Variants in MAPK10 observed in about 807,000 individuals in gnomAD.
MAPK10 encodes the protein mitogen-activated protein kinase 10.
MAPK10 carries 25 observed loss-of-function variants against 59.3 expected under a neutral mutation model. The ratio of observed to expected loss-of-function variants is 0.42; its 90% confidence interval spans 0.31 to 0.59. MAPK10 has a LOEUF of 0.59. Among genes scored for constraint, MAPK10 ranks in the 20% least tolerant of loss-of-function variants. The probability of loss-of-function intolerance (pLI) is 0.15; values close to 1 mark genes in which losing one functional copy is unlikely to be tolerated. For synonymous variants in MAPK10, 190 were observed against 200.5 expected (o/e 0.95, Z 0.44); for missense variants, 351 against 568.9 (o/e 0.62, Z 3.90).
intron 1 of MAPK10, among the ~76,000 whole-genome samples, chr4:86,399,583 C>T (rs759813781): frequency 6.6e-6 from 1 of 152,012 alleles, no homozygotes. Flanking sequence ...ATATTATGAC[C>T]ATTTTGAGGG....
chr4:86,300,085 G>T (rs2095440881), intron 2 of MAPK10, among the ~76,000 whole-genome samples: 1 of 151,900 alleles, frequency 6.6e-6, no homozygotes, highest in African/African-American at 2.4e-5. Context: ...TAGAGACAGG[G>T]TTTCACCATG....
chr4:86,260,404 T>C (rs2093940598), intron 2 of MAPK10, among the ~76,000 whole-genome samples: 1 of 152,158 alleles, frequency 6.6e-6, no homozygotes, highest in Admixed American at 6.5e-5. Context: ...GTGGTTTCTT[T>C]CTTTAGGATT....
chr4:86,516,725 G>T (rs891716085), intron 1 of MAPK10, among the ~76,000 whole-genome samples: 28 of 152,072 alleles, frequency 1.8e-4, no homozygotes, highest in Admixed American at 7.9e-4. Flanking sequence ...GTCACTGTTG[G>T]TGTATAGCAG....
chr4:86,021,898 C>T (rs912339355), intron 13 of MAPK10, among the ~76,000 whole-genome samples: 1 of 152,230 alleles, frequency 6.6e-6, no homozygotes. Context: ...CTGGCTGTCC[C>T]GAGTGCGGGG....
chr4:86,129,811 A>G (rs1172526635), intron 4 of MAPK10, among the ~76,000 whole-genome samples: 1 of 152,150 alleles, frequency 6.6e-6, no homozygotes, highest in Non-Finnish European at 1.5e-5. Context: ...AACATGAGGC[A>G]GCAAACATTA....
At chr4:86,265,483 G>A (rs1316072470) in intron 2 of MAPK10, among the ~76,000 whole-genome samples, 1 of 151,224 alleles carries the variant, frequency 6.6e-6, no homozygotes, top group Non-Finnish European at 1.5e-5. Context: ...CACTCCAGCT[G>A]GGGTGACAGA....
intron 2 of MAPK10, among the ~76,000 whole-genome samples, chr4:86,209,536 G>C (rs961081041): frequency 6.6e-6 from 1 of 152,042 alleles, no homozygotes; most frequent in Non-Finnish European, 1.5e-5. Flanking sequence ...AACAGCAAAC[G>C]ATGGGATAGA....
chr4:86,070,303 C>T (rs2047583268), intron 9 of MAPK10, among the ~76,000 whole-genome samples: 1 of 151,212 alleles, frequency 6.6e-6, no homozygotes, highest in Non-Finnish European at 1.5e-5. Flanking sequence ...AGAATACAAA[C>T]ATGAACAACT....
At chr4:86,362,723 C>A (rs1329194491), upstream of MAPK10, among the ~76,000 whole-genome samples, 1 of 152,016 alleles carries the variant, frequency 6.6e-6, no homozygotes, top group Admixed American at 6.6e-5. Context: ...CAGAAATATA[C>A]AAATTAAAAC....
intron 1 of MAPK10, among the ~76,000 whole-genome samples, chr4:86,577,383 C>T (rs1014894151): frequency 6.6e-6 from 1 of 151,944 alleles, no homozygotes; most frequent in East Asian, 1.9e-4. Context: ...AGGAAAAGGA[C>T]ATAAGACTCA....
At chr4:86,031,290 T>C in intron 12 of MAPK10, 78 bp downstream of exon 12, 1 of 1,029,512 alleles carries the variant, frequency 9.7e-7, no homozygotes, top group Non-Finnish European at 1.5e-6. Context: ...TAGTAAATTG[T>C]TTTACAAGGA....
chr4:86,519,535 G>A (rs1756956557), intron 1 of MAPK10, among the ~76,000 whole-genome samples: 1 of 152,148 alleles, frequency 6.6e-6, no homozygotes, highest in South Asian at 2.1e-4. Flanking sequence ...TGAGTCTCTT[G>A]AAGACAGCAG....
intron 1 of MAPK10, among the ~76,000 whole-genome samples, chr4:86,517,353 G>A (rs1467078849): frequency 7.3e-6 from 1 of 136,646 alleles, no homozygotes; most frequent in Non-Finnish European, 1.5e-5. Context: ...TCGGCTCACT[G>A]CAAGCTCCGC....
chr4:86,014,303 GGT>G lies in MAPK10; in HGVS notation c.*2923_*2924del, dbSNP rs58674852. 0.026 allele frequency: 3,775 copies of G among 143,792 alleles called. 68 individuals are homozygous for G. The highest frequency in any genetic ancestry group is 0.076 in the East Asian group (358 of 4,712). 8.9% of individuals were successfully genotyped at this position (143,792 alleles called of 1,614,324 possible). A position where few individuals can be genotyped will look rare whatever the true frequency, so the allele number is the denominator to read the frequency against. On this transcript the variant is annotated 3_prime_UTR_variant, in exon 14 of 14. Transcript: ENST00000641462. ...AGGTGACTATTTAAGAAATATTTGG[GGT>G]GTGTGTGTGTGTGTGTGTGTGTGTG...
intron 2 of MAPK10, among the ~76,000 whole-genome samples, chr4:86,211,907 T>C (rs2085923841): frequency 6.6e-6 from 1 of 152,064 alleles, no homozygotes; most frequent in Non-Finnish European, 1.5e-5. Flanking sequence ...ACATATTAAA[T>C]GTATTCCCCA....
At chr4:86,230,352 C>T (rs919240592) in intron 2 of MAPK10, among the ~76,000 whole-genome samples, 5 of 152,120 alleles carry the variant, frequency 3.3e-5, no homozygotes, top group South Asian at 2.1e-4. Context: ...GAAAACAGCA[C>T]ACAACACATA....
intron 1 of MAPK10, among the ~76,000 whole-genome samples, chr4:86,425,377 G>A (rs1747136724): frequency 6.6e-6 from 1 of 151,852 alleles, no homozygotes; most frequent in South Asian, 2.1e-4. Context: ...ACATATAAAA[G>A]ATATGACATG....
At chr4:86,244,753 A>G (rs1206190187) in intron 2 of MAPK10, among the ~76,000 whole-genome samples, 5 of 152,210 alleles carry the variant, frequency 3.3e-5, no homozygotes, top group Admixed American at 2.6e-4. Flanking sequence ...GTTAGCAACC[A>G]ATTTAAAAAC....
intron 1 of MAPK10, among the ~76,000 whole-genome samples, chr4:86,562,467 C>T (rs527399321): frequency 5.5e-4 from 83 of 152,126 alleles, no homozygotes; most frequent in African/African-American, 1.9e-3. Flanking sequence ...GGCAGAAAGA[C>T]TGTTTGAACC....
Sources: gnomAD v4.1 joint callset for allele counts (sites outside exome capture counted in the v4.1 genomes callset) on GRCh38, gnomAD v4.1.1 for gene constraint, MANE v1.5 for transcripts, NCBI Gene and HGNC (gene_info 2026-07-23, HGNC 2026-07-21) for gene names.